Variants in NSL1 observed in about 807,000 individuals in gnomAD.
NSL1 encodes the protein kinetochore-associated protein NSL1 homolog.
A neutral mutation model predicts 25.4 loss-of-function variants in NSL1; 11 were observed. That is an observed-to-expected ratio of 0.43 (90% CI 0.27 to 0.72). NSL1 has a LOEUF of 0.72. Ranked by LOEUF, NSL1 falls within the 30% of genes least tolerant of loss-of-function variation. The pLI, the probability that NSL1 is intolerant of heterozygous loss-of-function variation, is 0.19. For synonymous variants in NSL1, 118 were observed against 120.6 expected (o/e 0.98, Z 0.14); for missense variants, 330 against 342.7 (o/e 0.96, Z 0.29).
chr1:212,788,366 T>C (rs1280219293), intron 1 of NSL1, among the ~76,000 whole-genome samples: 2 of 152,178 alleles, frequency 1.3e-5, no homozygotes, highest in Admixed American at 6.5e-5. Flanking sequence ...TGAGCTATGA[T>C]TGCCACTGTA....
intron 4 of NSL1, among the ~76,000 whole-genome samples, chr1:212,773,684 T>C (rs1212421229): frequency 6.6e-6 from 1 of 152,144 alleles, no homozygotes; most frequent in African/African-American, 2.4e-5. Context: ...TTCCTGCCAC[T>C]GGGTATTCAT....
In NSL1 at chr1:212,735,019, A is replaced by G. The variant is rs1658177342; in HGVS notation, c.*3389T>C. 6.6e-6 allele frequency among the ~76,000 whole-genome samples: 1 copy of G among 152,218 alleles called. No individual in the cohort carries two copies. Among genetic ancestry groups the G allele is most frequent in the African/African-American group, 2.4e-5 (1 of 41,458 alleles). Reference sequence around the variant, plus strand: ...ATTATGAACTCATTTACTTCTCAGAATAACGCTATGAGGTAGGCATAATTA... The same window carrying G: ...ATTATGAACTCATTTACTTCTCAGAGTAACGCTATGAGGTAGGCATAATTA... On this transcript the variant is annotated 3_prime_UTR_variant, in exon 6 of 6. Coordinates refer to ENST00000366977, the MANE Select transcript of NSL1 (RefSeq NM_015471.4).
rs190562427 is a variant in NSL1 at position 212,735,874 on chromosome 1, C to A, written c.*2534G>T. 1 of 880,244 alleles carries A rather than the reference C, an allele frequency of 1.1e-6. No individual in the cohort carries two copies. The highest frequency in any genetic ancestry group is 1.4e-6 in the Non-Finnish European group (1 of 734,034). The allele number at this position is 880,244 out of a possible 1,614,324, so 54.5% of individuals were successfully genotyped here. Reference sequence around the variant, plus strand: ...CCAGCACCTTCTCATGGACTTCTAGCCTCCAGAACTGTGAGAAGTAAGTAT... The same window carrying A: ...CCAGCACCTTCTCATGGACTTCTAGACTCCAGAACTGTGAGAAGTAAGTAT... On this transcript the variant is annotated 3_prime_UTR_variant, in exon 6 of 6. Transcript: ENST00000366977.
chr1:212,756,138 G>C (rs1234003447), intron 4 of NSL1, among the ~76,000 whole-genome samples: 1 of 152,012 alleles, frequency 6.6e-6, no homozygotes, highest in African/African-American at 2.4e-5. Flanking sequence ...GGGTTTTTTT[G>C]AGACAGGTTC....
Position 212,732,188 on chromosome 1 carries a change from T to G in NSL1, c.*6220A>C. 1.0e-6 allele frequency: 1 copy of G among 984,600 alleles called. No individual in the cohort carries two copies. The highest frequency in any genetic ancestry group is 1.2e-6 in the Non-Finnish European group (1 of 829,174). 61.0% of individuals were successfully genotyped at this position (984,600 alleles called of 1,614,324 possible). A position where few individuals can be genotyped will look rare whatever the true frequency, so the allele number is the denominator to read the frequency against. Reference sequence around the variant, plus strand: ...AGTGAATAACTGCCTTATTTTTTGTTTCTTTGAACATCTTAATCATATTAC... The same window carrying G: ...AGTGAATAACTGCCTTATTTTTTGTGTCTTTGAACATCTTAATCATATTAC... On this transcript the variant is annotated 3_prime_UTR_variant, in exon 6 of 6. Transcript: ENST00000366977.
intron 1 of NSL1, among the ~76,000 whole-genome samples, chr1:212,788,098 GAGATCTA>G (rs1264679915): frequency 6.6e-6 from 1 of 152,192 alleles, no homozygotes; most frequent in African/African-American, 2.4e-5. Context: ...GAAATGACAT[GAGATCTA>G]AGATATGCTT....
intron 4 of NSL1, among the ~76,000 whole-genome samples, chr1:212,751,876 G>A (rs894191880): frequency 1.3e-5 from 2 of 152,016 alleles, no homozygotes; most frequent in Non-Finnish European, 2.9e-5. Flanking sequence ...TATTCTAAAT[G>A]AATTTTTTCA....
At chr1:212,769,094 G>T (rs1165139956) in intron 4 of NSL1, among the ~76,000 whole-genome samples, 1 of 150,638 alleles carries the variant, frequency 6.6e-6, no homozygotes, top group African/African-American at 2.4e-5. Flanking sequence ...AAAAAAAAAT[G>T]AAGAAAGCCT....
At chr1:212,753,137 C>T (rs1571880191) in intron 4 of NSL1, among the ~76,000 whole-genome samples, 1 of 152,296 alleles carries the variant, frequency 6.6e-6, no homozygotes, top group East Asian at 1.9e-4. Flanking sequence ...GTGTTGAACC[C>T]ATTTGCTCAG....
Position 212,735,115 on chromosome 1 carries a change from TAA to T in NSL1, c.*3291_*3292del, listed in dbSNP as rs966966866. The stretch of plus-strand genomic sequence containing the variant: ...TGTAACTTGCCCAATGTCACTGAAC[TAA>T]TAATGGTAGAACTGCAATCTGAACC... On this transcript the variant is annotated 3_prime_UTR_variant, in exon 6 of 6. Transcript: ENST00000366977. Among the ~76,000 whole-genome samples, 1 of 152,198 alleles carries T rather than the reference TAA, an allele frequency of 6.6e-6. No individual in the cohort carries two copies. The highest frequency in any genetic ancestry group is 1.5e-5 in the Non-Finnish European group (1 of 68,038).
In NSL1 at chr1:212,736,835, G is replaced by A; in HGVS notation, c.*1573C>T. Reference sequence around the variant, plus strand: ...GAATACTTCAGAGCAAATCTATCATGTCATTTAAAAACTCTATGTAGCACA... The same window carrying A: ...GAATACTTCAGAGCAAATCTATCATATCATTTAAAAACTCTATGTAGCACA... On this transcript the variant is annotated 3_prime_UTR_variant, in exon 6 of 6. Transcript: ENST00000366977. The A allele has an allele frequency of 1.0e-6, 1 of 985,278 alleles. No individual in the cohort carries two copies. The highest frequency in any genetic ancestry group is 1.2e-6 in the Non-Finnish European group (1 of 829,882). The allele number at this position is 985,278 out of a possible 1,614,324, so 61.0% of individuals were successfully genotyped here. A position where few individuals can be genotyped will look rare whatever the true frequency, so the allele number is the denominator to read the frequency against.
chr1:212,759,919 C>G (rs1338295381), intron 4 of NSL1, among the ~76,000 whole-genome samples: 1 of 152,182 alleles, frequency 6.6e-6, no homozygotes, highest in African/African-American at 2.4e-5. Flanking sequence ...CTGGGGCCAC[C>G]CAGCAGCAAG....
rs1658234503 is a variant in NSL1, at chr1:212,736,411, T to C, written c.*1997A>G. The C allele has an allele frequency of 3.0e-6, 3 of 985,140 alleles. No individual in the cohort carries two copies. Among genetic ancestry groups the C allele is most frequent in the Non-Finnish European group, 3.6e-6 (3 of 829,668 alleles). The allele number at this position is 985,140 out of a possible 1,614,324, so 61.0% of individuals were successfully genotyped here. On this transcript the variant is annotated 3_prime_UTR_variant, in exon 6 of 6. Transcript: ENST00000366977. The stretch of plus-strand genomic sequence containing the variant: ...CAAGATTTGATTTTCAATTTTTTCC[T>C]TCAACCTTTCCAATTCCTTAAAACT...
intron 4 of NSL1, among the ~76,000 whole-genome samples, chr1:212,779,802 C>T (rs1245502671): frequency 3.0e-5 from 4 of 131,372 alleles, no homozygotes; most frequent in African/African-American, 5.8e-5. Flanking sequence ...GCCCCCCGCC[C>T]GGCCAGCCGC....
At position 212,762,306 on chromosome 1, in the gene NSL1, C is replaced by CAAAAAAA. The variant is rs71147025; in HGVS notation, c.499+20059_499+20065dup. Among the ~76,000 whole-genome samples, 378 of 114,480 alleles carry CAAAAAAA rather than the reference C, an allele frequency of 3.3e-3. 3 individuals are homozygous for CAAAAAAA. Among genetic ancestry groups the CAAAAAAA allele is most frequent in the Non-Finnish European group, 4.6e-3 (266 of 57,652 alleles). 75.1% of individuals were successfully genotyped at this position (114,480 alleles called of 152,430 possible). ...GAGTCTCACTCTGTCTTAAAAGAAACAAAAAAAAAAAAAAAAAAAAGAAAA... is the reference window on the plus strand; with the variant it reads ...GAGTCTCACTCTGTCTTAAAAGAAACAAAAAAAAAAAAAAAAAAAAAAAAAAAGAAAA... On this transcript the variant is annotated intron_variant, in intron 4 of 5. Coordinates refer to ENST00000366977, the MANE Select transcript of NSL1 (RefSeq NM_015471.4).
intron 4 of NSL1, among the ~76,000 whole-genome samples, chr1:212,772,291 A>T (rs989954488): frequency 6.6e-6 from 1 of 152,184 alleles, no homozygotes; most frequent in South Asian, 2.1e-4. Context: ...TAAAATAACC[A>T]TAATACCCAA....
At position 212,733,357 on chromosome 1, in the gene NSL1, C is replaced by T. The variant is rs115111232; in HGVS notation, c.*5051G>A. On this transcript the variant is annotated 3_prime_UTR_variant, in exon 6 of 6. Coordinates refer to ENST00000366977, the MANE Select transcript of NSL1 (RefSeq NM_015471.4). ...TAAGGTGGGAGGATGGCTTGAGTTGCGGGGGCAGAGGTTGCAGTAAGCCAA... is the reference window on the plus strand; with the variant it reads ...TAAGGTGGGAGGATGGCTTGAGTTGTGGGGGCAGAGGTTGCAGTAAGCCAA... 4.1e-5 allele frequency among the ~76,000 whole-genome samples: 6 copies of T among 147,554 alleles called. No homozygotes were observed. Among genetic ancestry groups the T allele is most frequent in the Non-Finnish European group, 7.4e-5 (5 of 67,316 alleles).
intron 4 of NSL1, among the ~76,000 whole-genome samples, chr1:212,745,179 T>A (rs1317052153): frequency 5.5e-4 from 22 of 40,036 alleles, no homozygotes; most frequent in South Asian, 4.0e-3. Context: ...TATATATATA[T>A]ATATATATAT....
intron 3 of NSL1, among the ~76,000 whole-genome samples, chr1:212,783,758 A>G (rs1282718286): frequency 2.6e-5 from 4 of 152,140 alleles, no homozygotes; most frequent in African/African-American, 7.2e-5. Flanking sequence ...TGAGGGTGTG[A>G]TATGGTTGGT....
Sources: gnomAD v4.1 joint callset for allele counts (sites outside exome capture counted in the v4.1 genomes callset) on GRCh38, gnomAD v4.1.1 for gene constraint, MANE v1.5 for transcripts, NCBI Gene and HGNC (gene_info 2026-07-23, HGNC 2026-07-21) for gene names.